Variants in MAF observed in about 807,000 individuals in gnomAD.
The protein encoded by MAF is transcription factor Maf.
MAF carries 10 observed loss-of-function variants against 22.0 expected under a neutral mutation model. The ratio of observed to expected loss-of-function variants is 0.45; its 90% CI spans 0.28 to 0.77. MAF has a LOEUF of 0.77. MAF is among the 30% of genes least tolerant of loss of function. The pLI, the probability that MAF is intolerant of heterozygous loss-of-function variation, is 0.12. For synonymous variants in MAF, 337 were observed against 255.8 expected, an observed-to-expected ratio of 1.32 and a Z score of -3.03; for missense variants, 544 against 548.4, an observed-to-expected ratio of 0.99 and a Z score of 0.08.
chr16:79,450,151 C>A, the MAF span, among the ~76,000 whole-genome samples: 82 of 152,338 alleles, frequency 5.4e-4, no homozygotes, highest in African/African-American at 1.8e-3. Context: ...TGTCATCTCA[C>A]AGAGTTACAC....
chr16:79,334,013 A>C, the MAF span, among the ~76,000 whole-genome samples: 1 of 152,222 alleles, frequency 6.6e-6, no homozygotes, highest in Non-Finnish European at 1.5e-5. Context: ...GAGACATCTC[A>C]CTGTCTGAAT....
the MAF span, among the ~76,000 whole-genome samples, chr16:79,434,805 T>G: frequency 6.6e-6 from 1 of 152,264 alleles, no homozygotes; most frequent in Non-Finnish European, 1.5e-5. Flanking sequence ...AAGAGTAGAA[T>G]ATCCACAAAG....
the MAF span, among the ~76,000 whole-genome samples, chr16:79,287,341 C>T: frequency 1.4e-4 from 21 of 152,332 alleles, no homozygotes; most frequent in East Asian, 4.1e-3. Flanking sequence ...CCCGGGCCCT[C>T]GGCCTTGAGA....
At chr16:79,411,640 G>A in the MAF span, among the ~76,000 whole-genome samples, 3 of 152,168 alleles carry the variant, frequency 2.0e-5, no homozygotes, top group East Asian at 5.8e-4. Context: ...ACAAGATTTA[G>A]CTGTGTGATG....
At chr16:79,211,759 G>A in the MAF span, 2 of 1,614,188 alleles carry the variant, frequency 1.2e-6, no homozygotes, top group African/African-American at 1.3e-5. Flanking sequence ...CTCAGCGAGA[G>A]GCTGATCCAA....
At chr16:79,232,954 C>A in the MAF span, among the ~76,000 whole-genome samples, 1 of 151,058 alleles carries the variant, frequency 6.6e-6, no homozygotes, top group Non-Finnish European at 1.5e-5. Flanking sequence ...CATTCTCCTG[C>A]CTCAGCCTCC....
chr16:79,527,868 A>T, the MAF span, among the ~76,000 whole-genome samples: 90,900 of 152,096 alleles, frequency 0.6, 29,533 homozygotes, highest in Non-Finnish European at 0.73. Flanking sequence ...GTGGCTTGGC[A>T]TGGTGGCTCA....
At chr16:79,447,363 T>C in the MAF span, among the ~76,000 whole-genome samples, 1 of 151,360 alleles carries the variant, frequency 6.6e-6, no homozygotes, top group African/African-American at 2.4e-5. Context: ...CCTTTCAAAA[T>C]ATTACTGCTC....
At chr16:79,593,247 G>A (rs1428038342), downstream of MAF, among the ~76,000 whole-genome samples, 1 of 152,152 alleles carries the variant, frequency 6.6e-6, no homozygotes, top group Non-Finnish European at 1.5e-5. Flanking sequence ...AACGGCCACA[G>A]CAGCAAAAGC....
the MAF span, among the ~76,000 whole-genome samples, chr16:79,216,740 G>A: frequency 5.9e-5 from 9 of 151,806 alleles, no homozygotes; most frequent in Non-Finnish European, 4.4e-5. Context: ...AAGTTGAGGA[G>A]CCTCTGTGTA....
chr16:79,365,548 C>A, the MAF span, among the ~76,000 whole-genome samples: 4 of 150,770 alleles, frequency 2.7e-5, no homozygotes, highest in Non-Finnish European at 5.9e-5. Flanking sequence ...GCTCTCCTCT[C>A]GGAAATGCTA....
the MAF span, among the ~76,000 whole-genome samples, chr16:79,269,281 G>A: frequency 6.6e-6 from 1 of 152,182 alleles, no homozygotes; most frequent in Non-Finnish European, 1.5e-5. Context: ...TCGGGCTTGG[G>A]TCTGGGCACC....
the MAF span, among the ~76,000 whole-genome samples, chr16:79,509,264 C>G: frequency 1.6e-4 from 25 of 152,242 alleles, no homozygotes; most frequent in South Asian, 5.2e-3. Flanking sequence ...GAAGTGGAGA[C>G]GTGAACCATG....
the MAF span, among the ~76,000 whole-genome samples, chr16:79,217,986 TAAAAAAAAAAAAAAAA>T: frequency 4.4e-3 from 229 of 52,124 alleles, 4 homozygotes; most frequent in South Asian, 0.033. Flanking sequence ...GAAGCTTATG[TAAAAAAAAAAAAAAAA>T]AAAAAAAAAA....
the MAF span, among the ~76,000 whole-genome samples, chr16:79,508,740 T>C: frequency 6.6e-5 from 10 of 152,188 alleles, no homozygotes; most frequent in African/African-American, 2.4e-4. Context: ...AAAAACATTA[T>C]GGTAATTGAA....
At chr16:79,472,963 A>AACACAACAC in the MAF span, among the ~76,000 whole-genome samples, 27 of 152,100 alleles carry the variant, frequency 1.8e-4, no homozygotes, top group African/African-American at 6.5e-4. Context: ...AGCCAGTGTG[A>AACACAACAC]ACACAACACA....
At chr16:79,308,635 C>T in the MAF span, among the ~76,000 whole-genome samples, 1 of 152,146 alleles carries the variant, frequency 6.6e-6, no homozygotes, top group African/African-American at 2.4e-5. Flanking sequence ...AATATTGAAG[C>T]CCTATTAACA....
the MAF span, among the ~76,000 whole-genome samples, chr16:79,340,150 C>T: frequency 0.15 from 22,889 of 151,804 alleles, 3,381 homozygotes; most frequent in African/African-American, 0.38. Context: ...AGGTCAGGGA[C>T]GGAGGAGGAG....
At chr16:79,552,794 TCA>T in the MAF span, among the ~76,000 whole-genome samples, 3 of 152,180 alleles carry the variant, frequency 2.0e-5, no homozygotes, top group African/African-American at 4.8e-5. Context: ...GTGGTTATGT[TCA>T]CAGTACTTAC....
Sources: allele counts gnomAD v4.1 joint callset (sites outside exome capture counted in the v4.1 genomes callset), GRCh38; gene constraint gnomAD v4.1.1; transcripts MANE v1.5; gene names NCBI Gene and HGNC (gene_info 2026-07-23, HGNC 2026-07-21).